MEF2C: variants seen among roughly 807,000 people sequenced by gnomAD.
MEF2C encodes the protein myocyte enhancer factor 2C, also known as myocyte-specific enhancer factor 2C.
In MEF2C, 6 loss-of-function variants were observed where a neutral mutation model predicts 50.5. The observed-to-expected ratio is 0.12, with a 90% CI of 0.07 to 0.23. The LOEUF (loss-of-function observed/expected upper bound fraction) is 0.23. Among genes scored for constraint, MEF2C ranks in the 10% least tolerant of loss-of-function variants. The pLI is 1.00. For synonymous variants in MEF2C, 183 were observed against 228.0 expected (o/e 0.80, Z 1.78); for missense variants, 276 against 605.0 (o/e 0.46, Z 5.70).
chr5:88,880,511 A>C (rs1832504824), intron 1 of MEF2C, among the ~76,000 whole-genome samples: 1 of 152,190 alleles, frequency 6.6e-6, no homozygotes, highest in African/African-American at 2.4e-5. Flanking sequence ...AATATACTAC[A>C]ATAAACAGAA....
intron 3 of MEF2C, among the ~76,000 whole-genome samples, chr5:88,801,392 A>T (rs1798262779): frequency 6.6e-6 from 1 of 152,200 alleles, no homozygotes; most frequent in South Asian, 2.1e-4. Flanking sequence ...CTAAGAACGA[A>T]TTCAAATCCC....
intron 1 of MEF2C, chr5:88,825,021 A>G (rs1206788195): frequency 6.6e-6 from 1 of 151,974 alleles, no homozygotes; most frequent in Admixed American, 6.6e-5. Context: ...TTTTAGGTCA[A>G]TGAATGCAAC....
chr5:88,734,710 A>G lies in MEF2C; in HGVS notation c.638-2809T>C, dbSNP rs1473336330. 5.1e-6 allele frequency: 5 copies of G among 983,318 alleles called. No homozygotes were observed. In the Admixed American group the frequency reaches 2.5e-4, roughly 49 times the overall value. 60.9% of individuals were successfully genotyped at this position (983,318 alleles called of 1,614,324 possible). A position where few individuals can be genotyped will look rare whatever the true frequency, so the allele number is the denominator to read the frequency against. ...GTAGGGGAAAAAAAAGTAAATATAC[A>G]TTGTAGCTTTTCATTCAGTAAATAC... is the stretch of plus-strand genomic sequence containing the variant. On this transcript the variant is annotated intron_variant, in intron 6 of 10. Coordinates refer to ENST00000504921, the MANE Select transcript of MEF2C (RefSeq NM_002397.5).
chr5:88,728,618 C>A lies in MEF2C; in HGVS notation c.975G>T (p.Leu325=). 1 of 1,473,734 alleles carries A rather than the reference C, an allele frequency of 6.8e-7. No individual in the cohort carries two copies. The allele number at this position is 1,473,734 out of a possible 1,614,324, so 91.3% of individuals were successfully genotyped here. A position where few individuals can be genotyped will look rare whatever the true frequency, so the allele number is the denominator to read the frequency against. The change falls in exon 10 of 11, where the codon CTG becomes CTT. Residue 325 remains leucine (L), a synonymous_variant. Transcript: ENST00000504921. ...ACAGAGATGACAGGTCTGCACTACT[C>A]AGAGAGTACTCTAGATTAAAGAATA... ...ISTTYGTEYS[L]SSADLSSLSG... is the part of the protein sequence containing the mutation.
chr5:88,836,619 G>C (rs750748847), intron 1 of MEF2C, among the ~76,000 whole-genome samples: 1 of 152,176 alleles, frequency 6.6e-6, no homozygotes. Context: ...ACGCTGCAGA[G>C]GGATGTTGCC....
intron 3 of MEF2C, among the ~76,000 whole-genome samples, chr5:88,794,222 T>C (rs1440324639): frequency 1.3e-5 from 2 of 152,234 alleles, no homozygotes; most frequent in African/African-American, 4.8e-5. Context: ...ATCGCCACAC[T>C]GTCTTCCACA....
chr5:88,761,075 G>A (rs750772033), intron 4 of MEF2C, 110 bp downstream of exon 4: 1 of 1,613,868 alleles, frequency 6.2e-7, no homozygotes, highest in African/African-American at 1.3e-5. Flanking sequence ...GTGCATAAGA[G>A]GAGTCGGGAT....
chr5:88,869,633 A>T (rs185199211), intron 1 of MEF2C, among the ~76,000 whole-genome samples: 163 of 151,608 alleles, frequency 1.1e-3, no homozygotes, highest in Admixed American at 2.1e-3. Context: ...ACACTTATTA[A>T]TTCAGAAACG....
At chr5:88,883,663 G>C (rs968989868), upstream of MEF2C, 10 of 151,782 alleles carry the variant, frequency 6.6e-5, no homozygotes, top group African/African-American at 2.4e-4. Flanking sequence ...TTTGCTTCGC[G>C]CTGCCTTTTT....
chr5:88,861,941 A>T (rs1825659438), intron 1 of MEF2C, among the ~76,000 whole-genome samples: 1 of 152,238 alleles, frequency 6.6e-6, no homozygotes, highest in African/African-American at 2.4e-5. Context: ...CCATTAGACC[A>T]AAGTTCTCAG....
chr5:88,745,821 C>T (rs1769224641), intron 6 of MEF2C, among the ~76,000 whole-genome samples: 1 of 152,178 alleles, frequency 6.6e-6, no homozygotes, highest in Non-Finnish European at 1.5e-5. Flanking sequence ...TCTCAAAACA[C>T]ACACATACAA....
intron 1 of MEF2C, among the ~76,000 whole-genome samples, chr5:88,893,551 G>A (rs1162280777): frequency 6.6e-6 from 1 of 151,564 alleles, no homozygotes; most frequent in Non-Finnish European, 1.5e-5. Flanking sequence ...AAATGACTAT[G>A]TTCTACTTAT....
intron 2 of MEF2C, among the ~76,000 whole-genome samples, chr5:88,820,680 G>T (rs1470467005): frequency 2.0e-5 from 3 of 152,004 alleles, no homozygotes; most frequent in African/African-American, 7.2e-5. Flanking sequence ...AGTCTACAGT[G>T]GGGCAGCTTC....
intron 2 of MEF2C, among the ~76,000 whole-genome samples, chr5:88,807,916 A>T (rs1801203702): frequency 6.6e-6 from 1 of 152,162 alleles, no homozygotes; most frequent in Non-Finnish European, 1.5e-5. Context: ...CAACTTGGAT[A>T]ATTCTTCTTT....
rs1192564182 is a variant in MEF2C at position 88,720,918 on chromosome 5, C to T, written c.*1686G>A. The T allele has an allele frequency of 1.3e-5, 2 of 152,472 alleles. No individual in the cohort carries two copies. The highest frequency in any genetic ancestry group is 2.9e-5 in the Non-Finnish European group (2 of 68,020). 9.4% of individuals were successfully genotyped at this position (152,472 alleles called of 1,614,324 possible). A position where few individuals can be genotyped will look rare whatever the true frequency, so the allele number is the denominator to read the frequency against. On this transcript the variant is annotated 3_prime_UTR_variant, in exon 11 of 11. Coordinates refer to ENST00000504921, the MANE Select transcript of MEF2C (RefSeq NM_002397.5). ...TATGCAGAAGTGACATTTGGGGGTC[C>T]TGACACACCGGGATTGTTCAACAGT...
At chr5:88,780,284 C>A (rs910117091) in intron 3 of MEF2C, among the ~76,000 whole-genome samples, 2 of 152,104 alleles carry the variant, frequency 1.3e-5, no homozygotes, top group South Asian at 2.1e-4. Flanking sequence ...TGCTGGTCAG[C>A]AAGTGGTTTG....
intron 1 of MEF2C, among the ~76,000 whole-genome samples, chr5:88,851,893 C>T (rs1821497723): frequency 6.6e-6 from 1 of 152,092 alleles, no homozygotes. Context: ...ATGATTATTA[C>T]TTGAACCTTT....
intron 1 of MEF2C, among the ~76,000 whole-genome samples, chr5:88,857,082 C>T (rs1337185407): frequency 1.3e-5 from 2 of 152,214 alleles, no homozygotes; most frequent in Non-Finnish European, 2.9e-5. Context: ...CCCTGCAAAG[C>T]CACAGGGGCA....
intron 3 of MEF2C, among the ~76,000 whole-genome samples, chr5:88,764,635 T>C (rs1171314766): frequency 6.6e-6 from 1 of 151,850 alleles, no homozygotes; most frequent in African/African-American, 2.4e-5. Flanking sequence ...TGGTGAAACC[T>C]GTCTCTACCA....
Sources: gnomAD v4.1 joint callset for allele counts (sites outside exome capture counted in the v4.1 genomes callset) on GRCh38, gnomAD v4.1.1 for gene constraint, MANE v1.5 for transcripts, NCBI Gene and HGNC (gene_info 2026-07-23, HGNC 2026-07-21) for gene names.